SPPL2A: variants seen among roughly 807,000 people sequenced by gnomAD.
SPPL2A encodes signal peptide peptidase-like 2A.
SPPL2A carries 51 observed loss-of-function variants against 63.8 expected under a neutral mutation model. That is an observed-to-expected ratio of 0.80 (90% CI 0.64 to 1.01). The LOEUF is 1.01. Ranked by LOEUF, SPPL2A falls within the 50% of genes least tolerant of loss-of-function variation. SPPL2A has a pLI of 0.00. For missense variants in SPPL2A, 553 were observed against 622.7 expected, an observed-to-expected ratio of 0.89 and a Z score of 1.19; for synonymous variants, 188 against 205.8, an observed-to-expected ratio of 0.91 and a Z score of 0.74.
At chr15:50,745,381 C>A (rs2062849963) in intron 5 of SPPL2A, among the ~76,000 whole-genome samples, 1 of 147,852 alleles carries the variant, frequency 6.8e-6, no homozygotes, top group Non-Finnish European at 1.5e-5. Context: ...GAACTCCTAA[C>A]ATGAGATGAT....
chr15:50,750,596 A>T (rs1009424255), intron 1 of SPPL2A, among the ~76,000 whole-genome samples: 1 of 152,260 alleles, frequency 6.6e-6, no homozygotes, highest in Non-Finnish European at 1.5e-5. Flanking sequence ...TCCAGAATTT[A>T]AAGTACAGAA....
chr15:50,732,690 A>G lies in SPPL2A; in HGVS notation c.933-6T>C. 2 of 1,553,542 alleles carry G rather than the reference A, an allele frequency of 1.3e-6. No individual in the cohort carries two copies. Among genetic ancestry groups the G allele is most frequent in the Non-Finnish European group, 1.8e-6 (2 of 1,126,736 alleles). On this transcript the variant is annotated splice_region_variant and splice_polypyrimidine_tract_variant and intron_variant, in intron 8 of 14. Transcript: ENST00000261854. ...CCTGTAAAATCCAAGCCCACCTAAA[A>G]TCAAAAAATATTACTCTATTGCTTT...
chr15:50,749,380 TG>T, intron 2 of SPPL2A, among the ~76,000 whole-genome samples: 1 of 152,248 alleles, frequency 6.6e-6, no homozygotes, highest in East Asian at 1.9e-4. Context: ...CTCTGCCTCC[TG>T]GGTTCACACA....
chr15:50,757,089 C>CTTTTTT (rs57100103), intron 1 of SPPL2A, among the ~76,000 whole-genome samples: 2 of 128,374 alleles, frequency 1.6e-5, no homozygotes, highest in Non-Finnish European at 3.2e-5. Flanking sequence ...TAAATCCTTT[C>CTTTTTT]TTTTTTTTTT....
intron 14 of SPPL2A, among the ~76,000 whole-genome samples, chr15:50,709,041 A>C (rs182370444): frequency 0.014 from 2,111 of 152,212 alleles, 41 homozygotes; most frequent in Non-Finnish European, 0.017. Flanking sequence ...CGACCAAAAA[A>C]AAAAAAAGAA....
At chr15:50,733,419 T>C (rs1442289636) in intron 8 of SPPL2A, among the ~76,000 whole-genome samples, 3 of 152,184 alleles carry the variant, frequency 2.0e-5, no homozygotes, top group African/African-American at 7.2e-5. Context: ...TCTGTATATT[T>C]TCTTATATCC....
rs1289066007 is a variant in SPPL2A, at chr15:50,703,352, A to ATTTTTTT, written c.*4447_*4448insAAAAAAA. Reference sequence around the variant, plus strand: ...TATATATATATATATATATACATATATATATTTTTTTTTTTTTTTTTTTTT... The same window carrying ATTTTTTT: ...TATATATATATATATATATACATATATTTTTTTTATATTTTTTTTTTTTTTTTTTTTT... On this transcript the variant is annotated 3_prime_UTR_variant, in exon 15 of 15. Coordinates refer to ENST00000261854, the MANE Select transcript of SPPL2A (RefSeq NM_032802.4). 1.9e-4 allele frequency: 12 copies of ATTTTTTT among 63,366 alleles called. No individual in the cohort carries two copies. The highest frequency in any genetic ancestry group is 5.9e-4 in the East Asian group (1 of 1,682). The allele number at this position is 63,366 out of a possible 1,614,324, so 3.9% of individuals were successfully genotyped here. A position where few individuals can be genotyped will look rare whatever the true frequency, so the allele number is the denominator to read the frequency against.
chr15:50,722,159 C>T lies in SPPL2A; in HGVS notation c.1292G>A (p.Gly431Asp), dbSNP rs746040519. The T allele has an allele frequency of 3.9e-5, 63 of 1,600,048 alleles. No individual in the cohort carries two copies. Among genetic ancestry groups the T allele is most frequent in the Non-Finnish European group, 5.3e-5 (62 of 1,170,508 alleles). ...CGAAACATAGTATATGTAAGAAGAACCAGTCTGAACATCAAATCTTCTACA... is the reference window on the plus strand; with the variant it reads ...CGAAACATAGTATATGTAAGAAGAATCAGTCTGAACATCAAATCTTCTACA... ...AYCRRFDVQT[G>D]SSYIYYVSST... Residue 431 changes from glycine (G) to aspartate (D), a missense_variant, in exon 13 of 15, where the codon GGT becomes GAT. Coordinates refer to ENST00000261854, the MANE Select transcript of SPPL2A (RefSeq NM_032802.4).
intron 5 of SPPL2A, among the ~76,000 whole-genome samples, chr15:50,746,163 G>A (rs1403030322): frequency 6.6e-6 from 1 of 151,782 alleles, no homozygotes; most frequent in African/African-American, 2.4e-5. Context: ...ATGGAGGCCA[G>A]GCACAGTGAC....
At chr15:50,746,857 A>T (rs1395878134) in intron 5 of SPPL2A, 2 of 152,312 alleles carry the variant, frequency 1.3e-5, no homozygotes, top group East Asian at 3.8e-4. Flanking sequence ...TCGTAGAGAC[A>T]GGGTTTCACC....
intron 10 of SPPL2A, among the ~76,000 whole-genome samples, chr15:50,727,591 C>CA (rs1263024545): frequency 6.6e-6 from 1 of 152,136 alleles, no homozygotes; most frequent in East Asian, 1.9e-4. Context: ...ACTTCTAAGA[C>CA]ACAATACTGA....
chr15:50,761,387 A>T (rs1475294538), intron 1 of SPPL2A, among the ~76,000 whole-genome samples: 1 of 152,124 alleles, frequency 6.6e-6, no homozygotes, highest in Non-Finnish European at 1.5e-5. Flanking sequence ...AGGATGAGGC[A>T]GGCAGATCAC....
intron 14 of SPPL2A, among the ~76,000 whole-genome samples, chr15:50,714,263 C>A (rs1197392863): frequency 6.6e-6 from 1 of 152,222 alleles, no homozygotes; most frequent in Non-Finnish European, 1.5e-5. Flanking sequence ...GTCTGCCCTC[C>A]TGGGGCTATT....
rs767794890 is a variant in SPPL2A, at chr15:50,748,809, G to T, written c.239C>A (p.Pro80His). Reference sequence around the variant, plus strand: ...AACTGCTTTGCTCTTTATGCCAACAGGAGGAATATCAGAAAGGTTGCATAG... The same window carrying T: ...AACTGCTTTGCTCTTTATGCCAACATGAGGAATATCAGAAAGGTTGCATAG... ...TPLCNLSDIPPVGIKSKAVVV... is the reference protein window; with the variant it reads ...TPLCNLSDIPHVGIKSKAVVV... Residue 80 changes from proline to histidine, a missense_variant, in exon 3 of 15, where the codon CCT becomes CAT. By Grantham distance (77) the Pro-to-His change is moderately conservative. Coordinates refer to ENST00000261854, the MANE Select transcript of SPPL2A (RefSeq NM_032802.4). 11 of 1,611,084 alleles carry T rather than the reference G, an allele frequency of 6.8e-6. No individual in the cohort carries two copies. In the East Asian group the frequency reaches 2.5e-4, roughly 36 times the overall value.
At chr15:50,708,325 C>T (rs766765183) in intron 14 of SPPL2A, among the ~76,000 whole-genome samples, 18 of 152,042 alleles carry the variant, frequency 1.2e-4, no homozygotes, top group Non-Finnish European at 2.2e-4. Context: ...TTGAAATAAC[C>T]GTAAGATAAT....
chr15:50,742,415 T>C (rs1042128337), intron 5 of SPPL2A, among the ~76,000 whole-genome samples: 1 of 151,968 alleles, frequency 6.6e-6, no homozygotes, highest in African/African-American at 2.4e-5. Flanking sequence ...ATTTTAACAC[T>C]GTGCTGAAAA....
chr15:50,751,801 T>G (rs1003159639), intron 1 of SPPL2A, among the ~76,000 whole-genome samples: 1 of 152,164 alleles, frequency 6.6e-6, no homozygotes, highest in Non-Finnish European at 1.5e-5. Context: ...CTACCCTTAC[T>G]GGCTAGTATC....
chr15:50,765,565 G>C lies in SPPL2A; in HGVS notation c.-32C>G, dbSNP rs1018999211. On this transcript the variant is annotated 5_prime_UTR_variant, in exon 1 of 15. Coordinates refer to ENST00000261854, the MANE Select transcript of SPPL2A (RefSeq NM_032802.4). ...GGTGGGTGCCGGGTGGGACGGCACG[G>C]TGCGGCGCAGCTCACTCGGCGGGGT... 5 of 1,389,702 alleles carry C rather than the reference G, an allele frequency of 3.6e-6. No homozygotes were observed. The highest frequency in any genetic ancestry group is 3.7e-6 in the Non-Finnish European group (4 of 1,070,818). The allele number at this position is 1,389,702 out of a possible 1,614,324, so 86.1% of individuals were successfully genotyped here.
intron 1 of SPPL2A, among the ~76,000 whole-genome samples, chr15:50,764,873 TAA>T (rs1166227340): frequency 6.6e-6 from 1 of 151,090 alleles, no homozygotes; most frequent in East Asian, 1.9e-4. Context: ...TGTCTTCTTT[TAA>T]AAGTTATTTT....
Sources: allele counts gnomAD v4.1 joint callset (sites outside exome capture counted in the v4.1 genomes callset), GRCh38; gene constraint gnomAD v4.1.1; transcripts MANE v1.5; gene names NCBI Gene and HGNC (gene_info 2026-07-23, HGNC 2026-07-21).